ROBO1: variants seen among roughly 807,000 people sequenced by gnomAD.
The protein encoded by ROBO1 is roundabout guidance receptor 1.
Under a neutral mutation model 195.9 loss-of-function variants are expected in ROBO1, and 149 were observed. The ratio of observed to expected loss-of-function variants is 0.76; its 90% CI spans 0.67 to 0.87. The LOEUF (loss-of-function observed/expected upper bound fraction) is 0.87. Ranked by LOEUF, ROBO1 falls within the 40% of genes least tolerant of loss-of-function variation. The pLI is 0.00. For synonymous variants in ROBO1, 816 were observed against 733.2 expected (o/e 1.11, Z -1.82); for missense variants, 1,933 against 2,068.3 (o/e 0.93, Z 1.27).
chr3:79,085,667 T>C (rs61541346), intron 3 of ROBO1, among the ~76,000 whole-genome samples: 17,055 of 152,118 alleles, frequency 0.11, 1,481 homozygotes, highest in African/African-American at 0.24. Context: ...GATAGCACCT[T>C]TTCCTTCATT....
At chr3:79,084,596 T>C (rs2079334096) in intron 3 of ROBO1, among the ~76,000 whole-genome samples, 1 of 152,242 alleles carries the variant, frequency 6.6e-6, no homozygotes, top group African/African-American at 2.4e-5. Flanking sequence ...CCTCAAATGC[T>C]TTTTATATAT....
intron 1 of ROBO1, among the ~76,000 whole-genome samples, chr3:79,676,353 A>G (rs972734743): frequency 6.6e-6 from 1 of 152,072 alleles, no homozygotes; most frequent in African/African-American, 2.4e-5. Flanking sequence ...CCATTTCACT[A>G]TCACAGTCTT....
At chr3:79,228,272 T>A (rs1012468318) in intron 2 of ROBO1, among the ~76,000 whole-genome samples, 1 of 152,200 alleles carries the variant, frequency 6.6e-6, no homozygotes, top group African/African-American at 2.4e-5. Context: ...TGGATAATTT[T>A]TGCATGTAGT....
intron 2 of ROBO1, among the ~76,000 whole-genome samples, chr3:79,236,058 T>G (rs1490142178): frequency 6.6e-6 from 1 of 152,170 alleles, no homozygotes; most frequent in Non-Finnish European, 1.5e-5. Flanking sequence ...TTAGACTCTT[T>G]GGTCATTTGA....
At chr3:79,358,415 T>A (rs2035641601) in intron 2 of ROBO1, among the ~76,000 whole-genome samples, 1 of 152,028 alleles carries the variant, frequency 6.6e-6, no homozygotes, top group Non-Finnish European at 1.5e-5. Context: ...TTGGATTTGG[T>A]TTAGGAAGAC....
chr3:79,395,331 A>AG, intron 2 of ROBO1, among the ~76,000 whole-genome samples: 1 of 147,848 alleles, frequency 6.8e-6, no homozygotes, highest in Admixed American at 6.9e-5. Context: ...CAAAAAAAAA[A>AG]AAAAAAAAAA....
At chr3:79,561,257 T>C (rs1349440690) in intron 2 of ROBO1, among the ~76,000 whole-genome samples, 1 of 152,112 alleles carries the variant, frequency 6.6e-6, no homozygotes, top group Non-Finnish European at 1.5e-5. Context: ...TTTGAGCATA[T>C]AGAGAGATTT....
intron 8 of ROBO1, among the ~76,000 whole-genome samples, chr3:78,696,715 C>T (rs567098500): frequency 2.8e-5 from 4 of 144,404 alleles, no homozygotes; most frequent in East Asian, 2.0e-4. Flanking sequence ...TATATATACA[C>T]GTATATATAC....
Position 78,783,943 on chromosome 3 carries a change from A to G in ROBO1, c.500-37043T>C, listed in dbSNP as rs187825306. On this transcript the variant is annotated intron_variant, in intron 4 of 30. Transcript: ENST00000464233. ...ATGTAGTGAAACTTGAGAAATATAA[A>G]ACATTATTGTGGCTCTATGAAATAT... Among the ~76,000 whole-genome samples, 245 of 152,278 alleles carry G rather than the reference A, an allele frequency of 1.6e-3. 1 individual carries two copies. The highest frequency in any genetic ancestry group is 0.014 in the Middle Eastern group (4 of 294).
chr3:79,540,876 A>T (rs558569646), intron 2 of ROBO1, among the ~76,000 whole-genome samples: 49 of 152,272 alleles, frequency 3.2e-4, no homozygotes, highest in African/African-American at 1.1e-3. Flanking sequence ...GTATAATCTT[A>T]GATTTTAAAA....
intron 2 of ROBO1, among the ~76,000 whole-genome samples, chr3:79,440,694 T>C (rs2039023830): frequency 6.6e-6 from 1 of 152,100 alleles, no homozygotes; most frequent in Non-Finnish European, 1.5e-5. Flanking sequence ...TTTTCTATCC[T>C]TAGAACCAAA....
chr3:79,300,551 C>A (rs1241449480), intron 2 of ROBO1, among the ~76,000 whole-genome samples: 2 of 152,174 alleles, frequency 1.3e-5, no homozygotes, highest in Middle Eastern at 3.4e-3. Context: ...TGAGCGCTGA[C>A]CCCCGCTCCA....
chr3:78,889,711 G>GAAAAAAAAAAAAAAAAAAAAAA (rs745338257), intron 4 of ROBO1, among the ~76,000 whole-genome samples: 1 of 48,106 alleles, frequency 2.1e-5, no homozygotes, highest in Non-Finnish European at 4.4e-5. Flanking sequence ...ATAACTCCAA[G>GAAAAAAAAAAAAAAAAAAAAAA]AAAAAAAAAA....
chr3:78,691,083 A>G (rs113626735), intron 8 of ROBO1, among the ~76,000 whole-genome samples: 1 of 152,126 alleles, frequency 6.6e-6, no homozygotes, highest in Non-Finnish European at 1.5e-5. Flanking sequence ...TAGAAACATA[A>G]CTTTTAAAAA....
chr3:79,625,239 G>A (rs368018925), intron 1 of ROBO1, among the ~76,000 whole-genome samples: 30 of 151,118 alleles, frequency 2.0e-4, no homozygotes, highest in African/African-American at 6.8e-4. Context: ...TGCCCACATC[G>A]GAAAGCTAGA....
At chr3:78,644,000 G>A (rs573299306) in intron 21 of ROBO1, among the ~76,000 whole-genome samples, 2 of 152,200 alleles carry the variant, frequency 1.3e-5, no homozygotes, top group African/African-American at 4.8e-5. Context: ...AGGAGGTCCA[G>A]TGAGGACTCA....
At chr3:78,731,837 T>C (rs1409665568) in intron 5 of ROBO1, among the ~76,000 whole-genome samples, 1 of 152,114 alleles carries the variant, frequency 6.6e-6, no homozygotes, top group Non-Finnish European at 1.5e-5. Context: ...TGTAAACCGC[T>C]TTTGACAGTT....
intron 3 of ROBO1, among the ~76,000 whole-genome samples, chr3:79,086,592 C>T (rs1252259620): frequency 6.6e-6 from 1 of 152,108 alleles, no homozygotes; most frequent in Non-Finnish European, 1.5e-5. Context: ...GCTCCTTACA[C>T]AGCTTTATGT....
At chr3:78,603,340 T>C (rs916405210) in intron 29 of ROBO1, among the ~76,000 whole-genome samples, 1 of 152,178 alleles carries the variant, frequency 6.6e-6, no homozygotes, top group African/African-American at 2.4e-5. Context: ...AAGAGATCTT[T>C]CCTAACATTC....
Sources: gnomAD v4.1 joint callset for allele counts (sites outside exome capture counted in the v4.1 genomes callset) on GRCh38, gnomAD v4.1.1 for gene constraint, MANE v1.5 for transcripts, NCBI Gene and HGNC (gene_info 2026-07-23, HGNC 2026-07-21) for gene names.